ANKRD44: variants seen among roughly 807,000 people sequenced by gnomAD.
ANKRD44 encodes serine/threonine-protein phosphatase 6 regulatory ankyrin repeat subunit B.
In ANKRD44, 35 loss-of-function variants were observed where a neutral mutation model predicts 116.0. The observed-to-expected ratio is 0.30, with a 90% CI of 0.23 to 0.40. The LOEUF is 0.40. Among genes scored for constraint, ANKRD44 ranks in the 10% least tolerant of loss-of-function variants. The pLI is 1.00. For missense variants in ANKRD44, 1,014 were observed against 1,242.6 expected (o/e 0.82, Z 2.77); for synonymous variants, 435 against 461.8 (o/e 0.94, Z 0.74).
At chr2:197,000,751 A>C (rs2076099591) in intron 22 of ANKRD44, among the ~76,000 whole-genome samples, 1 of 152,216 alleles carries the variant, frequency 6.6e-6, no homozygotes, top group Non-Finnish European at 1.5e-5. Context: ...GAGACATCAA[A>C]GTGGAATAGA....
chr2:197,136,839 T>G (rs542571798), intron 3 of ANKRD44, among the ~76,000 whole-genome samples, 177 bp from the exon 4 acceptor site: 3 of 152,368 alleles, frequency 2.0e-5, no homozygotes, highest in South Asian at 4.1e-4. Flanking sequence ...AGAAGAAATC[T>G]GCTTTACCTA....
chr2:197,310,496 C>T, intron 1 of ANKRD44, 82 bp downstream of exon 1: 1 of 943,768 alleles, frequency 1.1e-6, no homozygotes, highest in Non-Finnish European at 1.3e-6. Context: ...CGGGCGCGCT[C>T]CAGCCGCGCC....
chr2:197,299,549 G>A (rs2083832499), intron 1 of ANKRD44: 1 of 152,194 alleles, frequency 6.6e-6, no homozygotes, highest in African/African-American at 2.4e-5. Flanking sequence ...GATGGAATTG[G>A]AGACGATTAT....
chr2:196,990,907 A>G, intron 27 of ANKRD44: 1 of 1,232,542 alleles, frequency 8.1e-7, no homozygotes, highest in Non-Finnish European at 1.0e-6. Flanking sequence ...TTAGGAGCGC[A>G]AGCCAGGGCC....
At chr2:196,989,714 G>T in intron 27 of ANKRD44, 65 bp from the exon 28 acceptor site, 1 of 1,540,016 alleles carries the variant, frequency 6.5e-7, no homozygotes, top group Non-Finnish European at 8.8e-7. Flanking sequence ...ACTGGCAATC[G>T]GTTTTACATG....
chr2:197,111,532 G>C (rs1162223370), intron 8 of ANKRD44, among the ~76,000 whole-genome samples: 3 of 151,950 alleles, frequency 2.0e-5, no homozygotes, highest in Non-Finnish European at 4.4e-5. Flanking sequence ...CCAGCTACTG[G>C]GGATGCTAAG....
intron 17 of ANKRD44, among the ~76,000 whole-genome samples, chr2:197,023,201 C>T (rs2076529890): frequency 6.6e-6 from 1 of 152,204 alleles, no homozygotes; most frequent in Admixed American, 6.5e-5. Flanking sequence ...GCCATCTCCA[C>T]AATGGCCCTA....
chr2:197,131,348 C>T (rs2079091485), intron 4 of ANKRD44, among the ~76,000 whole-genome samples: 1 of 151,800 alleles, frequency 6.6e-6, no homozygotes, highest in South Asian at 2.1e-4. Context: ...CCCGCTACCA[C>T]GCCCGGCTAA....
chr2:197,132,519 C>G (rs779535794), intron 4 of ANKRD44, among the ~76,000 whole-genome samples: 5 of 152,136 alleles, frequency 3.3e-5, no homozygotes, highest in Admixed American at 1.3e-4. Flanking sequence ...GAACATAAAT[C>G]TTGCCTGGAT....
At chr2:197,067,286 A>C (rs964527541) in intron 16 of ANKRD44, among the ~76,000 whole-genome samples, 2 of 152,174 alleles carry the variant, frequency 1.3e-5, no homozygotes, top group African/African-American at 4.8e-5. Flanking sequence ...AATTAATTCA[A>C]GATGGATTAA....
intron 1 of ANKRD44, among the ~76,000 whole-genome samples, chr2:197,198,629 T>G (rs1216597606): frequency 6.6e-6 from 1 of 151,602 alleles, no homozygotes; most frequent in Non-Finnish European, 1.5e-5. Context: ...CCGTCTCTAC[T>G]AAAAATACAA....
intron 17 of ANKRD44, among the ~76,000 whole-genome samples, chr2:197,024,235 A>G (rs939612752): frequency 6.6e-6 from 1 of 152,244 alleles, no homozygotes; most frequent in African/African-American, 2.4e-5. Flanking sequence ...TACACATAGT[A>G]TTAAGTGAAA....
chr2:197,105,675 A>G (rs1035666724), intron 9 of ANKRD44, among the ~76,000 whole-genome samples: 10 of 152,360 alleles, frequency 6.6e-5, no homozygotes, highest in Non-Finnish European at 7.3e-5. Flanking sequence ...GTGATCGTCT[A>G]GGGACTCAAC....
chr2:197,036,390 C>T (rs1238385213), intron 16 of ANKRD44, among the ~76,000 whole-genome samples: 1 of 152,096 alleles, frequency 6.6e-6, no homozygotes, highest in Non-Finnish European at 1.5e-5. Flanking sequence ...TCCCGAGTAG[C>T]TGAGATTACA....
intron 2 of ANKRD44, among the ~76,000 whole-genome samples, chr2:197,158,454 C>T (rs1423495584): frequency 6.6e-6 from 1 of 152,154 alleles, no homozygotes; most frequent in Non-Finnish European, 1.5e-5. Flanking sequence ...TTAATTAATT[C>T]ATTAACCAAT....
intron 1 of ANKRD44, among the ~76,000 whole-genome samples, chr2:197,256,357 C>T (rs1453207136): frequency 6.6e-6 from 1 of 152,138 alleles, no homozygotes; most frequent in South Asian, 2.1e-4. Flanking sequence ...GTGTTTCTGA[C>T]TATGTGTCTT....
chr2:197,136,533 CA>C (rs1274209906), intron 4 of ANKRD44, 58 bp downstream of exon 4: 1 of 1,512,794 alleles, frequency 6.6e-7, no homozygotes, highest in Non-Finnish European at 9.2e-7. Flanking sequence ...AATTCGCTAG[CA>C]AGACTTTTTC....
At chr2:197,138,860 GC>G (rs2079285856) in intron 3 of ANKRD44, among the ~76,000 whole-genome samples, 1 of 152,060 alleles carries the variant, frequency 6.6e-6, no homozygotes, top group African/African-American at 2.4e-5. Context: ...TAAATTTTGT[GC>G]TTTAAATTTT....
rs2078969749 is a variant in ANKRD44, at chr2:197,126,144, C to T, written c.262-107G>A. 13 of 1,106,376 alleles carry T rather than the reference C, an allele frequency of 1.2e-5. No individual in the cohort carries two copies. In the Admixed American group the frequency reaches 2.4e-4, roughly 21 times the overall value. The allele number at this position is 1,106,376 out of a possible 1,614,324, so 68.5% of individuals were successfully genotyped here. ...TGGAACTATGGAGAGAAAGGCTCCC[C>T]AACCCTACAGGCTGGCTCCAGACAA... On this transcript the variant is annotated intron_variant, in intron 4 of 27. Transcript: ENST00000282272.
Sources: allele counts gnomAD v4.1 joint callset (sites outside exome capture counted in the v4.1 genomes callset), GRCh38; gene constraint gnomAD v4.1.1; transcripts MANE v1.5; gene names NCBI Gene and HGNC (gene_info 2026-07-23, HGNC 2026-07-21).